Variants in LARGE1 observed in about 807,000 individuals in gnomAD.
The protein encoded by LARGE1 is LARGE xylosyl- and glucuronyltransferase 1.
A neutral mutation model predicts 87.6 loss-of-function variants in LARGE1; 43 were observed. The ratio of observed to expected loss-of-function variants is 0.49; its 90% CI spans 0.38 to 0.63. The LOEUF is 0.63. Among genes scored for constraint, LARGE1 ranks in the 30% least tolerant of loss-of-function variants. The pLI, the probability that LARGE1 is intolerant of heterozygous loss-of-function variation, is 0.00. For missense variants in LARGE1, 802 were observed against 1,000.2 expected, an observed-to-expected ratio of 0.80 and a Z score of 2.67; for synonymous variants, 434 against 394.6, an observed-to-expected ratio of 1.10 and a Z score of -1.18.
At chr22:33,264,520 T>C (rs1309792277) in intron 11 of LARGE1, among the ~76,000 whole-genome samples, 1 of 152,092 alleles carries the variant, frequency 6.6e-6, no homozygotes, top group Non-Finnish European at 1.5e-5. Context: ...ATTAGCCCAC[T>C]TGGTGGCACA....
intron 9 of LARGE1, among the ~76,000 whole-genome samples, chr22:33,373,302 A>T (rs2064879937): frequency 6.6e-6 from 1 of 152,222 alleles, no homozygotes; most frequent in Non-Finnish European, 1.5e-5. Context: ...GTAAAACCAT[A>T]AGAGATCATA....
chr22:33,122,657 C>T, the LARGE1 span, among the ~76,000 whole-genome samples: 1 of 152,076 alleles, frequency 6.6e-6, no homozygotes, highest in African/African-American at 2.4e-5. Flanking sequence ...CCGTGCCCAG[C>T]CTGTTTTGTT....
In LARGE1 at chr22:33,558,712, G is replaced by C. The variant is rs928379239; in HGVS notation, c.787+6136C>G. On this transcript the variant is annotated intron_variant, in intron 6 of 14. Coordinates refer to ENST00000397394, the MANE Select transcript of LARGE1 (RefSeq NM_133642.5). ...ACAAGACCTGAAGAAACTTCAAAGAGCATTAAAAACTCCTTCGAGGCAACT... is the reference window on the plus strand; with the variant it reads ...ACAAGACCTGAAGAAACTTCAAAGACCATTAAAAACTCCTTCGAGGCAACT... 9.2e-5 allele frequency among the ~76,000 whole-genome samples: 14 copies of C among 152,264 alleles called. 1 individual carries two copies. Among genetic ancestry groups the C allele is most frequent in the Middle Eastern group, 6.8e-3 (2 of 294 alleles).
At chr22:33,586,916 T>A (rs1181946153) in intron 5 of LARGE1, among the ~76,000 whole-genome samples, 1 of 152,156 alleles carries the variant, frequency 6.6e-6, no homozygotes, top group Admixed American at 6.5e-5. Flanking sequence ...ACGAGAAAAC[T>A]AGAATACATG....
intron 4 of LARGE1, among the ~76,000 whole-genome samples, chr22:33,625,923 C>A (rs921763250): frequency 2.6e-5 from 4 of 152,156 alleles, no homozygotes; most frequent in Admixed American, 1.3e-4. Flanking sequence ...AACCTACCGA[C>A]AAGGATGTAT....
intron 10 of LARGE1, among the ~76,000 whole-genome samples, chr22:33,329,985 A>G (rs1483800296): frequency 6.6e-6 from 1 of 150,950 alleles, no homozygotes; most frequent in Non-Finnish European, 1.5e-5. Flanking sequence ...TTATTTCCTT[A>G]TGTTTCATTA....
intron 1 of LARGE1, among the ~76,000 whole-genome samples, chr22:33,790,000 T>C (rs2085772484): frequency 6.6e-6 from 1 of 152,030 alleles, no homozygotes; most frequent in Non-Finnish European, 1.5e-5. Context: ...GAACACGAGA[T>C]TTGGGAGGGG....
intron 2 of LARGE1, among the ~76,000 whole-genome samples, chr22:33,665,384 G>C (rs564459723): frequency 2.9e-4 from 44 of 152,310 alleles, no homozygotes; most frequent in Middle Eastern, 6.8e-3. Context: ...CAAGCACACA[G>C]TAAGCACTCA....
upstream of LARGE1, among the ~76,000 whole-genome samples, chr22:33,921,271 G>T (rs2065943802): frequency 6.6e-6 from 1 of 152,172 alleles, no homozygotes; most frequent in African/African-American, 2.4e-5. The surrounding 1 kb of genome is among the most constrained non-coding windows in gnomAD (Gnocchi z 4.1). Context: ...GGGATCCCGG[G>T]CCGGGTCGGG....
chr22:33,401,757 A>G (rs562625702), intron 7 of LARGE1, among the ~76,000 whole-genome samples: 1 of 152,296 alleles, frequency 6.6e-6, no homozygotes, highest in African/African-American at 2.4e-5. Context: ...GATAAAACCA[A>G]CCTTGTCAAT....
At chr22:33,774,061 A>G (rs1287073866) in intron 1 of LARGE1, among the ~76,000 whole-genome samples, 5 of 139,936 alleles carry the variant, frequency 3.6e-5, no homozygotes, top group African/African-American at 1.1e-4. Context: ...ATACTCTTAC[A>G]TCTACCAGAA....
chr22:33,686,429 G>C (rs1027079162), intron 2 of LARGE1, among the ~76,000 whole-genome samples: 2 of 151,728 alleles, frequency 1.3e-5, no homozygotes, highest in African/African-American at 4.8e-5. Flanking sequence ...TGTAATCCCA[G>C]CTACTGGGGA....
chr22:33,358,174 C>T (rs1440822371), intron 9 of LARGE1, among the ~76,000 whole-genome samples: 3 of 152,218 alleles, frequency 2.0e-5, no homozygotes, highest in Non-Finnish European at 4.4e-5. Flanking sequence ...GATCATAAAA[C>T]ACTGACAGCC....
At chr22:33,824,054 A>G (rs1050099993) in intron 1 of LARGE1, among the ~76,000 whole-genome samples, 1 of 152,228 alleles carries the variant, frequency 6.6e-6, no homozygotes, top group African/African-American at 2.4e-5. Flanking sequence ...TTTAAGGCTG[A>G]TATCATTATC....
intron 6 of LARGE1, among the ~76,000 whole-genome samples, chr22:33,551,314 G>T (rs1352245285): frequency 6.6e-6 from 1 of 152,190 alleles, no homozygotes; most frequent in Non-Finnish European, 1.5e-5. Flanking sequence ...ACTGTGCAGA[G>T]ATAAGAGTGG....
chr22:33,841,919 AATTATTTTAAAGCACACGGGTGAATCAC>A (rs1214957846), intron 1 of LARGE1, among the ~76,000 whole-genome samples: 2 of 152,232 alleles, frequency 1.3e-5, no homozygotes, highest in Non-Finnish European at 2.9e-5. Flanking sequence ...AATAGTGGCA[AATTATTTTAAAGCACACGGGTGAATCAC>A]AAAAAGTCCT....
At chr22:33,831,873 G>A (rs187293288) in intron 1 of LARGE1, among the ~76,000 whole-genome samples, 3 of 152,120 alleles carry the variant, frequency 2.0e-5, no homozygotes, top group African/African-American at 4.8e-5. Context: ...TGGCCCAGGC[G>A]TAATCCCGAG....
chr22:33,797,866 C>T (rs1045073621), intron 1 of LARGE1, among the ~76,000 whole-genome samples: 1 of 152,196 alleles, frequency 6.6e-6, no homozygotes, highest in Non-Finnish European at 1.5e-5. Context: ...ACCATCCCTC[C>T]TCGCCTCACT....
At chr22:33,305,994 A>G (rs1934846525) in intron 11 of LARGE1, among the ~76,000 whole-genome samples, 2 of 151,762 alleles carry the variant, frequency 1.3e-5, no homozygotes, top group Admixed American at 1.3e-4. Context: ...GCCCGCTACC[A>G]CGCCCGGCTA....
Sources: gnomAD v4.1 joint callset for allele counts (sites outside exome capture counted in the v4.1 genomes callset) on GRCh38, gnomAD v4.1.1 for gene constraint, Gnocchi (gnomAD v3.1) non-coding constraint, MANE v1.5 for transcripts, NCBI Gene and HGNC (gene_info 2026-07-23, HGNC 2026-07-21) for gene names.